The following EDIL3 variants were observed in gnomAD, a reference collection of about 807,000 sequenced individuals.
EDIL3 encodes EGF like and discoidin domains 3.
In EDIL3, 37 loss-of-function variants were observed where a neutral mutation model predicts 67.4. The ratio of observed to expected loss-of-function variants is 0.55; its 90% CI spans 0.42 to 0.72. The LOEUF is 0.72. Ranked by LOEUF, EDIL3 falls within the 30% of genes least tolerant of loss-of-function variation. The probability of loss-of-function intolerance (pLI) is 0.00; values close to 1 mark genes in which losing one functional copy is unlikely to be tolerated. For synonymous variants in EDIL3, 195 were observed against 196.3 expected (o/e 0.99, Z 0.05); for missense variants, 527 against 586.3 (o/e 0.90, Z 1.04).
At chr5:84,356,745 G>A (rs1247983671) in intron 1 of EDIL3, among the ~76,000 whole-genome samples, 1 of 152,062 alleles carries the variant, frequency 6.6e-6, no homozygotes, top group Admixed American at 6.6e-5. Flanking sequence ...GATAAATGCA[G>A]TGCTCTTATT....
At chr5:84,033,182 A>G (rs1211735438) in intron 9 of EDIL3, among the ~76,000 whole-genome samples, 4 of 152,176 alleles carry the variant, frequency 2.6e-5, no homozygotes, top group African/African-American at 4.8e-5. Context: ...CCTAACTCCT[A>G]TGCTTTCTCT....
intron 4 of EDIL3, among the ~76,000 whole-genome samples, chr5:84,167,013 T>C (rs1748716933): frequency 6.6e-6 from 1 of 152,138 alleles, no homozygotes; most frequent in African/African-American, 2.4e-5. Flanking sequence ...TTGTTCACTA[T>C]AAAGACTTTA....
At chr5:84,352,528 T>C (rs915792254) in intron 1 of EDIL3, among the ~76,000 whole-genome samples, 1 of 152,088 alleles carries the variant, frequency 6.6e-6, no homozygotes, top group Non-Finnish European at 1.5e-5. Context: ...TTATCCTTAG[T>C]GAAATGACTC....
chr5:84,253,062 T>C lies in EDIL3; in HGVS notation c.196+1022A>G, dbSNP rs542391754. The stretch of plus-strand genomic sequence containing the variant: ...CAAAGATGGTAAATTAATGGTTTTA[T>C]TTAATTATTCTTTCTTTCATTCAAC... On this transcript the variant is annotated intron_variant, in intron 2 of 10. Transcript: ENST00000296591. Among the ~76,000 whole-genome samples the C allele has an allele frequency of 6.4e-4, 98 of 152,328 alleles. No individual in the cohort carries two copies. In the Middle Eastern group the frequency reaches 0.01, roughly 16 times the overall value.
chr5:84,175,245 T>C (rs1236990453), intron 4 of EDIL3, among the ~76,000 whole-genome samples: 2 of 152,128 alleles, frequency 1.3e-5, no homozygotes, highest in East Asian at 3.9e-4. Context: ...AAGTTAAAAT[T>C]ATAAAGAGTA....
chr5:84,217,202 T>C (rs1038540233), intron 3 of EDIL3, among the ~76,000 whole-genome samples: 1 of 150,410 alleles, frequency 6.6e-6, no homozygotes, highest in Non-Finnish European at 1.5e-5. Context: ...ATCCAGCTAA[T>C]GCAGGGAGGA....
At chr5:84,157,532 A>G (rs2112336080) in intron 4 of EDIL3, among the ~76,000 whole-genome samples, 1 of 152,200 alleles carries the variant, frequency 6.6e-6, no homozygotes, top group East Asian at 1.9e-4. Flanking sequence ...TAATGTATAC[A>G]TAGTTTCTGA....
intron 6 of EDIL3, among the ~76,000 whole-genome samples, chr5:84,090,564 T>C (rs1380205879): frequency 6.6e-6 from 1 of 152,136 alleles, no homozygotes. Flanking sequence ...GGGAACCATA[T>C]TTAAAAAGCT....
intron 6 of EDIL3, among the ~76,000 whole-genome samples, chr5:84,079,520 G>C (rs1212935943): frequency 6.6e-6 from 1 of 152,052 alleles, no homozygotes; most frequent in Admixed American, 6.5e-5. Flanking sequence ...GTGACCAGAA[G>C]TAAAGTGTTA....
At chr5:84,143,023 G>T (rs1748228799) in intron 4 of EDIL3, among the ~76,000 whole-genome samples, 1 of 151,864 alleles carries the variant, frequency 6.6e-6, no homozygotes, top group African/African-American at 2.4e-5. Flanking sequence ...ATATTCTCCA[G>T]ACCTCCCATG....
chr5:84,046,884 G>T lies in EDIL3; in HGVS notation c.1137+13416C>A, dbSNP rs547755278. Reference sequence around the variant, plus strand: ...TTAATTTCTGTCGTGGTTTTTCAATGGTTTCAATACCACTTCTAAGCAGAA... The same window carrying T: ...TTAATTTCTGTCGTGGTTTTTCAATTGTTTCAATACCACTTCTAAGCAGAA... On this transcript the variant is annotated intron_variant, in intron 9 of 10. Transcript: ENST00000296591. 5.3e-4 allele frequency among the ~76,000 whole-genome samples: 81 copies of T among 152,192 alleles called. 1 individual carries two copies. Among genetic ancestry groups the T allele is most frequent in the African/African-American group, 1.8e-3 (73 of 41,530 alleles).
chr5:84,379,487 G>C (rs945610406), intron 1 of EDIL3, among the ~76,000 whole-genome samples: 2 of 152,128 alleles, frequency 1.3e-5, no homozygotes, highest in Admixed American at 6.5e-5. Context: ...TGCAGTAGAT[G>C]CATAGGAATA....
At chr5:84,377,084 TGGGAGGCCAA>T (rs921616831) in intron 1 of EDIL3, among the ~76,000 whole-genome samples, 1 of 152,128 alleles carries the variant, frequency 6.6e-6, no homozygotes, top group Non-Finnish European at 1.5e-5. Flanking sequence ...CCCAGCACTT[TGGGAGGCCAA>T]GGCGGGTGGA....
At chr5:84,137,216 C>CACAT in intron 5 of EDIL3, 25 bp downstream of exon 5, 2 of 1,508,932 alleles carry the variant, frequency 1.3e-6, no homozygotes, top group Non-Finnish European at 9.2e-7. Context: ...CACACACACA[C>CACAT]ACATACACAC....
intron 5 of EDIL3, among the ~76,000 whole-genome samples, chr5:84,123,567 A>C (rs1310331352): frequency 6.6e-6 from 1 of 151,976 alleles, no homozygotes; most frequent in Non-Finnish European, 1.5e-5. Context: ...TGTTTACTTC[A>C]CACACCTTGC....
chr5:84,277,836 C>T (rs1033547364), intron 1 of EDIL3, among the ~76,000 whole-genome samples: 4 of 151,874 alleles, frequency 2.6e-5, no homozygotes, highest in African/African-American at 9.7e-5. Context: ...AGGAAATAAA[C>T]CCCTTTTTTT....
At chr5:84,372,710 T>G (rs1244582289) in intron 1 of EDIL3, among the ~76,000 whole-genome samples, 1 of 152,180 alleles carries the variant, frequency 6.6e-6, no homozygotes, top group African/African-American at 2.4e-5. Context: ...TGCTGATTAC[T>G]TATTCTATTC....
chr5:84,337,064 G>A (rs529846893), intron 1 of EDIL3, among the ~76,000 whole-genome samples: 4 of 152,162 alleles, frequency 2.6e-5, no homozygotes, highest in Non-Finnish European at 5.9e-5. Context: ...AACTAAGTGG[G>A]GATCAAATTC....
At chr5:84,069,981 C>T (rs1222720136) in intron 6 of EDIL3, among the ~76,000 whole-genome samples, 6 of 151,934 alleles carry the variant, frequency 3.9e-5, no homozygotes, top group Admixed American at 1.3e-4. Flanking sequence ...CGACAGGCAC[C>T]GGTAGACGCC....
Sources: allele counts gnomAD v4.1 joint callset (sites outside exome capture counted in the v4.1 genomes callset), GRCh38; gene constraint gnomAD v4.1.1; transcripts MANE v1.5; gene names NCBI Gene and HGNC (gene_info 2026-07-23, HGNC 2026-07-21).